The following SLC24A2 variants were observed in gnomAD, a reference collection of about 807,000 sequenced individuals.
SLC24A2 encodes the protein solute carrier family 24 member 2, also known as sodium/potassium/calcium exchanger 2.
SLC24A2 carries 36 observed loss-of-function variants against 62.0 expected under a neutral mutation model. The ratio of observed to expected loss-of-function variants is 0.58; its 90% CI spans 0.44 to 0.77. SLC24A2 has a LOEUF of 0.77. Among genes scored for constraint, SLC24A2 ranks in the 30% least tolerant of loss-of-function variants. The pLI is 0.00. For missense variants in SLC24A2, 846 were observed against 817.9 expected (o/e 1.03, Z -0.42); for synonymous variants, 358 against 294.0 (o/e 1.22, Z -2.23).
chr9:20,094,116 G>C, the SLC24A2 span, among the ~76,000 whole-genome samples: 58 of 152,212 alleles, frequency 3.8e-4, no homozygotes, highest in African/African-American at 1.3e-3. Flanking sequence ...ATGATGCCTT[G>C]ACAAGAATCA....
chr9:19,516,381 C>A lies in SLC24A2; in HGVS notation c.1758G>T (p.Leu586=). ...GCTGGAATCTGTGAATGACGGTGTA[C>A]AGGAGCCAGGGCAGTGGGAGCCTGT... The part of the protein sequence containing the change: ...ITVGLPLPWL[L]YTVIHRFQPV... The change falls in exon 11 of 11, where the codon CTG becomes CTT. Residue 586 remains leucine, a synonymous_variant. Transcript: ENST00000341998. 1 of 1,613,936 alleles carries A rather than the reference C, an allele frequency of 6.2e-7. No homozygotes were observed. The highest frequency in any genetic ancestry group is 8.5e-7 in the Non-Finnish European group (1 of 1,179,960).
chr9:19,999,975 G>A, the SLC24A2 span, among the ~76,000 whole-genome samples: 1 of 152,178 alleles, frequency 6.6e-6, no homozygotes, highest in Non-Finnish European at 1.5e-5. Context: ...AGACAGTGTG[G>A]AGAGGTTCAG....
At chr9:19,770,359 A>C (rs1822648186) in intron 2 of SLC24A2, among the ~76,000 whole-genome samples, 1 of 152,104 alleles carries the variant, frequency 6.6e-6, no homozygotes, top group Non-Finnish European at 1.5e-5. Context: ...GTTTGCCAGA[A>C]AGTGCTTTAT....
At chr9:19,629,303 T>TA (rs1280947313) in intron 2 of SLC24A2, among the ~76,000 whole-genome samples, 1 of 152,108 alleles carries the variant, frequency 6.6e-6, no homozygotes. Context: ...TCAAATATAG[T>TA]AAAAAATAGT....
intron 2 of SLC24A2, among the ~76,000 whole-genome samples, chr9:19,770,077 T>G (rs1233572894): frequency 1.3e-5 from 2 of 151,298 alleles, no homozygotes; most frequent in African/African-American, 4.8e-5. Context: ...TTGTCCCATG[T>G]AGACTGCATT....
At chr9:20,187,962 G>T in the SLC24A2 span, among the ~76,000 whole-genome samples, 1 of 152,224 alleles carries the variant, frequency 6.6e-6, no homozygotes, top group African/African-American at 2.4e-5. Flanking sequence ...AGACTGTGCA[G>T]ATCCTCAGGA....
intron 6 of SLC24A2, among the ~76,000 whole-genome samples, chr9:19,573,940 T>C (rs1167199525): frequency 6.6e-6 from 1 of 152,234 alleles, no homozygotes; most frequent in Non-Finnish European, 1.5e-5. Context: ...TTTCTTACAG[T>C]AATATCGTTT....
the SLC24A2 span, among the ~76,000 whole-genome samples, chr9:20,290,674 C>A: frequency 6.6e-6 from 1 of 152,172 alleles, no homozygotes; most frequent in African/African-American, 2.4e-5. Flanking sequence ...AGGGACAAAT[C>A]GTTTTTGATG....
intron 1 of SLC24A2, 135 bp downstream of exon 1, chr9:19,788,750 G>T: frequency 1.0e-6 from 1 of 985,404 alleles, no homozygotes; most frequent in Non-Finnish European, 1.2e-6. Context: ...CTCCTAGCGG[G>T]GCCTGGGGCG....
At chr9:19,633,077 G>T (rs1037245932) in intron 2 of SLC24A2, among the ~76,000 whole-genome samples, 1 of 152,034 alleles carries the variant, frequency 6.6e-6, no homozygotes, top group East Asian at 1.9e-4. Flanking sequence ...TACTTTTCAG[G>T]TTTGCTTTTT....
chr9:20,019,875 GAA>G, the SLC24A2 span, among the ~76,000 whole-genome samples: 35,344 of 121,426 alleles, frequency 0.29, 5,059 homozygotes, highest in East Asian at 0.6. Context: ...AAATTTACCA[GAA>G]AAAAAAAAAA....
the SLC24A2 span, among the ~76,000 whole-genome samples, chr9:20,114,195 AGCAC>A: frequency 5.3e-5 from 8 of 152,128 alleles, no homozygotes; most frequent in Admixed American, 2.6e-4. Context: ...ACTCCCAAAT[AGCAC>A]GTTTGTGTGA....
chr9:20,017,945 T>G, the SLC24A2 span, among the ~76,000 whole-genome samples: 2 of 152,186 alleles, frequency 1.3e-5, no homozygotes, highest in Non-Finnish European at 2.9e-5. Context: ...GGAACAATAC[T>G]TTGCATCCTT....
intron 2 of SLC24A2, among the ~76,000 whole-genome samples, chr9:19,753,690 G>A (rs1012269132): frequency 2.0e-5 from 3 of 152,028 alleles, no homozygotes; most frequent in African/African-American, 7.2e-5. Context: ...GGCCTACTTG[G>A]CCACCTCTTT....
chr9:20,105,629 A>T, the SLC24A2 span, among the ~76,000 whole-genome samples: 1 of 152,198 alleles, frequency 6.6e-6, no homozygotes, highest in East Asian at 1.9e-4. Context: ...AGGCAGAAAT[A>T]AAGATGTTCT....
intron 2 of SLC24A2, among the ~76,000 whole-genome samples, chr9:19,746,251 T>A (rs906525768): frequency 6.6e-6 from 1 of 152,096 alleles, no homozygotes; most frequent in Non-Finnish European, 1.5e-5. Context: ...AATAAGAAAT[T>A]TAAATAATTA....
At chr9:19,548,204 T>G (rs1344804153) in intron 8 of SLC24A2, among the ~76,000 whole-genome samples, 1 of 148,030 alleles carries the variant, frequency 6.8e-6, no homozygotes, top group Non-Finnish European at 1.5e-5. Flanking sequence ...TCTTGAAGAC[T>G]TATGATAAAT....
chr9:20,271,894 C>G, the SLC24A2 span, among the ~76,000 whole-genome samples: 4 of 152,120 alleles, frequency 2.6e-5, no homozygotes, highest in African/African-American at 9.7e-5. Flanking sequence ...TGTACTTAAT[C>G]AGATTTGGTG....
At chr9:19,573,132 G>A (rs1563975454) in intron 7 of SLC24A2, among the ~76,000 whole-genome samples, 1 of 152,150 alleles carries the variant, frequency 6.6e-6, no homozygotes, top group Admixed American at 6.5e-5. Context: ...GAGAAACAGT[G>A]GCTTAGAGAA....
Sources: gnomAD v4.1 joint callset for allele counts (sites outside exome capture counted in the v4.1 genomes callset) on GRCh38, gnomAD v4.1.1 for gene constraint, MANE v1.5 for transcripts, NCBI Gene and HGNC (gene_info 2026-07-23, HGNC 2026-07-21) for gene names.